BRCA2: variants seen among roughly 807,000 people sequenced by gnomAD.
The protein encoded by BRCA2 is breast cancer type 2 susceptibility protein.
A neutral mutation model predicts 276.7 loss-of-function variants in BRCA2; 203 were observed. The observed-to-expected ratio is 0.73, with a 90% CI of 0.65 to 0.82. BRCA2 has a LOEUF of 0.82. BRCA2 is among the 40% of genes least tolerant of loss of function. The pLI is 0.00. For missense variants in BRCA2, 3,920 were observed against 3,915.0 expected, an observed-to-expected ratio of 1.00 and a Z score of -0.03; for synonymous variants, 1,289 against 1,338.4, an observed-to-expected ratio of 0.96 and a Z score of 0.81.
rs1060504624 is a variant in BRCA2, at chr13:32,332,717, A to G, written c.1239A>G (p.Leu413=). 6.2e-7 allele frequency: 1 copy of G among 1,613,508 alleles called. No individual in the cohort carries two copies. Among genetic ancestry groups the G allele is most frequent in the Non-Finnish European group, 8.5e-7 (1 of 1,179,758 alleles). The change falls in exon 10 of 27, where the codon CTA becomes CTG. Residue 413 remains leucine (L), a synonymous_variant. Transcript: ENST00000380152. ...GAGCCCAGATGGAGAAAATACCCCT[A>G]TTGCATATTTCTTCATGTGACCAAA... is the stretch of plus-strand genomic sequence containing the variant. The part of the protein sequence containing the change: ...LNGAQMEKIP[L]LHISSCDQNI...
At chr13:32,353,950 G>A (rs2072669615) in intron 13 of BRCA2, among the ~76,000 whole-genome samples, 1 of 152,156 alleles carries the variant, frequency 6.6e-6, no homozygotes, top group African/African-American at 2.4e-5. Flanking sequence ...TCGGGCATGA[G>A]GATAAAGGAT....
intron 25 of BRCA2, chr13:32,396,687 T>C: frequency 1.7e-6 from 1 of 590,358 alleles, no homozygotes; most frequent in Non-Finnish European, 3.0e-6. Flanking sequence ...TTTTTCTCTG[T>C]TCCCCTCTCC....
chr13:32,356,681 A>C, intron 15 of BRCA2, 72 bp downstream of exon 15: 1 of 1,518,376 alleles, frequency 6.6e-7, no homozygotes, highest in Non-Finnish European at 9.1e-7. Flanking sequence ...TAGTATCTAC[A>C]AATGGCTTTG....
rs398122746 is a variant in BRCA2 at position 32,336,723 on chromosome 13, G to A, written c.2368G>A (p.Glu790Lys). 1.9e-6 allele frequency: 3 copies of A among 1,613,904 alleles called. No individual in the cohort carries two copies. In the South Asian group the frequency reaches 3.3e-5, roughly 18 times the overall value. ...CCTAGTCATGATTTCTAGAGGCAAAGAATCATACAAAATGTCAGACAAGCT... is the reference window on the plus strand; with the variant it reads ...CCTAGTCATGATTTCTAGAGGCAAAAAATCATACAAAATGTCAGACAAGCT... Reference protein sequence around the residue: ...SNLVMISRGKESYKMSDKLKG... With the variant: ...SNLVMISRGKKSYKMSDKLKG... The change falls in exon 11 of 27, where the codon GAA becomes AAA. Residue 790 changes from glutamate to lysine, a missense_variant. Physicochemically the swap from Glu to Lys is moderately conservative, Grantham distance 56. Around this residue, in one of 2 missense-constraint regions of BRCA2, gnomAD observed 3,263 missense variants for 3,156.9 expected, o/e 1.03. Transcript: ENST00000380152.
chr13:32,342,857 C>G (rs1172871302), intron 11 of BRCA2, among the ~76,000 whole-genome samples: 1 of 152,052 alleles, frequency 6.6e-6, no homozygotes, highest in Non-Finnish European at 1.5e-5. Context: ...ACCAGCCTGG[C>G]CAACATGGTA....
At chr13:32,360,755 A>T (rs143310995) in intron 16 of BRCA2, among the ~76,000 whole-genome samples, 181 of 152,308 alleles carry the variant, frequency 1.2e-3, no homozygotes, top group African/African-American at 3.9e-3. Flanking sequence ...GCAGAAATAC[A>T]TGTGAGAGGT....
rs80358825 is a variant in BRCA2, at chr13:32,340,280, T to C, written c.5925T>C (p.Cys1975=). The change falls in exon 11 of 27, where the codon TGT becomes TGC. Residue 1975 remains cysteine (C), a synonymous_variant. Coordinates refer to ENST00000380152, the MANE Select transcript of BRCA2 (RefSeq NM_000059.4). ...LHKSVSSANT[C]GIFSTASGKS... is the part of the protein sequence containing the mutation. ...AGTCAGTCTCATCTGCAAATACTTG[T>C]GGGATTTTTAGCACAGCAAGTGGAA... is the stretch of plus-strand genomic sequence containing the variant. 3 of 1,613,956 alleles carry C rather than the reference T, an allele frequency of 1.9e-6. No individual in the cohort carries two copies. In the South Asian group the frequency reaches 3.3e-5, roughly 18 times the overall value.
chr13:32,319,246 AAT>A lies in BRCA2; in HGVS notation c.240_241del (p.Phe81GlnfsTer19). The A allele has an allele frequency of 6.2e-7, 1 of 1,613,828 alleles. No individual in the cohort carries two copies. The highest frequency in any genetic ancestry group is 8.5e-7 in the Non-Finnish European group (1 of 1,179,724). ...SYNQLASTPI[I>X]FKEQGLTLPL... ...ATAATCAGCTGGCTTCAACTCCAAT[AAT>A]ATTCAAAGAGCAAGGGCTGACTCTG... On this transcript the variant is annotated frameshift_variant, in exon 3 of 27. Coordinates refer to ENST00000380152, the MANE Select transcript of BRCA2 (RefSeq NM_000059.4). LOFTEE classifies it high-confidence loss of function.
At chr13:32,350,948 C>T (rs998990589) in intron 13 of BRCA2, among the ~76,000 whole-genome samples, 21 of 152,106 alleles carry the variant, frequency 1.4e-4, no homozygotes, top group East Asian at 3.9e-4. Flanking sequence ...CACCAATCAG[C>T]GCTCTGTGTC....
intron 20 of BRCA2, among the ~76,000 whole-genome samples, chr13:32,373,466 A>G (rs1439906980): frequency 2.0e-5 from 3 of 151,992 alleles, no homozygotes; most frequent in Non-Finnish European, 4.4e-5. Flanking sequence ...AAATCACACC[A>G]CTGCACTCTA....
chr13:32,385,169 T>C (rs2072950245), intron 24 of BRCA2: 2 of 211,838 alleles, frequency 9.4e-6, no homozygotes, highest in Non-Finnish European at 2.0e-5. Context: ...GATCTGGCAG[T>C]GGCTGCTGAA....
rs780458959 is a variant in BRCA2 at position 32,338,482 on chromosome 13, G to A, written c.4127G>A (p.Gly1376Glu). ...LKLSGQFMKE[G>E]NTQIKEDLSD... is the part of the protein sequence containing the mutation. ...TTATCTGGCCAGTTTATGAAGGAGG[G>A]AAACACTCAGATTAAAGAAGATTTG... Residue 1376 changes from glycine (G) to glutamate (E), a missense_variant, in exon 11 of 27, where the codon GGA becomes GAA. Transcript: ENST00000380152. The A allele has an allele frequency of 1.2e-6, 2 of 1,601,652 alleles. No individual in the cohort carries two copies. The highest frequency in any genetic ancestry group is 1.7e-5 in the Admixed American group (1 of 58,752).
rs111353588 is a variant in BRCA2, at chr13:32,353,519, A to G, written c.7008-1342A>G. Reference sequence around the variant, plus strand: ...TTCTTCATGATCTGGCTGCTTTGCTATTTTTCCAGTCTGACCTTCTAATGT... The same window carrying G: ...TTCTTCATGATCTGGCTGCTTTGCTGTTTTTCCAGTCTGACCTTCTAATGT... On this transcript the variant is annotated intron_variant, in intron 13 of 26. Transcript: ENST00000380152. Among the ~76,000 whole-genome samples the G allele has an allele frequency of 1.9e-3, 296 of 152,144 alleles. 2 individuals are homozygous for G. The highest frequency in any genetic ancestry group is 4.5e-3 in the African/African-American group (188 of 41,504).
Position 32,328,791 on chromosome 13 carries a change from C to T in BRCA2, c.632-652C>T, listed in dbSNP as rs552415425. On this transcript the variant is annotated intron_variant, in intron 7 of 26. Transcript: ENST00000380152. ...TTTAATGAGGTGTCCTGTATTTTATCCAGAAGTCCTACACACAGTAAAGTT... is the reference window on the plus strand; with the variant it reads ...TTTAATGAGGTGTCCTGTATTTTATTCAGAAGTCCTACACACAGTAAAGTT... 4.0e-4 allele frequency among the ~76,000 whole-genome samples: 61 copies of T among 152,162 alleles called. No homozygotes were observed. The Middle Eastern group carries it at 0.01, about 25-fold the overall frequency.
rs730881508 is a variant in BRCA2 at position 32,332,380 on chromosome 13, A to G, written c.902A>G (p.Asp301Gly). 4.4e-6 allele frequency: 7 copies of G among 1,593,760 alleles called. No individual in the cohort carries two copies. Among genetic ancestry groups the G allele is most frequent in the Admixed American group, 1.8e-5 (1 of 56,926 alleles). ...LEDEVYETVVDTSEEDSFSLC... is the reference protein window; with the variant it reads ...LEDEVYETVVGTSEEDSFSLC... ...GATGAAGTATATGAAACAGTTGTAGATACCTCTGAAGAAGATAGTTTTTCA... is the reference window on the plus strand; with the variant it reads ...GATGAAGTATATGAAACAGTTGTAGGTACCTCTGAAGAAGATAGTTTTTCA... Residue 301 changes from aspartate to glycine, a missense_variant, in exon 10 of 27, where the codon GAT becomes GGT. Around this residue, in one of 2 missense-constraint regions of BRCA2, gnomAD observed 3,263 missense variants for 3,156.9 expected, o/e 1.03. Transcript: ENST00000380152.
At chr13:32,343,109 G>C (rs111604929) in intron 11 of BRCA2, among the ~76,000 whole-genome samples, 294 of 152,030 alleles carry the variant, frequency 1.9e-3, no homozygotes, top group Non-Finnish European at 3.3e-3. Flanking sequence ...CATTGCATAT[G>C]TGGTCTATTG....
chr13:32,331,890 C>T (rs1362489971), intron 9 of BRCA2, among the ~76,000 whole-genome samples: 1 of 152,064 alleles, frequency 6.6e-6, no homozygotes, highest in East Asian at 1.9e-4. Flanking sequence ...TATGTAAAAT[C>T]AGATTTACCC....
rs864622399 is a variant in BRCA2 at position 32,332,769 on chromosome 13, A to C, written c.1291A>C (p.Thr431Pro). 6 of 1,608,814 alleles carry C rather than the reference A, an allele frequency of 3.7e-6. No individual in the cohort carries two copies. The highest frequency in any genetic ancestry group is 5.1e-6 in the Non-Finnish European group (6 of 1,178,730). ...TATTTCAGAAAAAGACCTATTAGACACAGAGAACAAAAGAAAGAAAGATTT... is the reference window on the plus strand; with the variant it reads ...TATTTCAGAAAAAGACCTATTAGACCCAGAGAACAAAAGAAAGAAAGATTT... ...QNISEKDLLD[T>P]ENKRKKDFLT... The change falls in exon 10 of 27, where the codon ACA (threonine) becomes CCA (proline). Residue 431 changes from threonine (T) to proline (P), a missense_variant. This residue lies in a region of BRCA2 where 3,263 missense variants were observed against 3,156.9 expected (regional missense o/e 1.03). Transcript: ENST00000380152.
chr13:32,358,726 G>T lies in BRCA2; in HGVS notation c.7805+797G>T, dbSNP rs573696399. Among the ~76,000 whole-genome samples, 7 of 151,774 alleles carry T rather than the reference G, an allele frequency of 4.6e-5. No individual in the cohort carries two copies. The East Asian group carries it at 1.4e-3, about 30-fold the overall frequency. On this transcript the variant is annotated intron_variant, in intron 16 of 26. Coordinates refer to ENST00000380152, the MANE Select transcript of BRCA2 (RefSeq NM_000059.4). ...GATGGGCCAATTACCTGAGGGTCAG[G>T]AGTTCGAGACCAGCCTGGCCAACAT...
Sources: gnomAD v4.1 joint callset for allele counts (sites outside exome capture counted in the v4.1 genomes callset) on GRCh38, gnomAD v4.1.1 for gene constraint, gnomAD v4.1.1 regional missense constraint, MANE v1.5 for transcripts, NCBI Gene and HGNC (gene_info 2026-07-23, HGNC 2026-07-21) for gene names.